Variants in MIOS observed in about 807,000 individuals in gnomAD.
The protein encoded by MIOS is GATOR2 complex protein MIOS.
A neutral mutation model predicts 96.9 loss-of-function variants in MIOS; 52 were observed. The ratio of observed to expected loss-of-function variants is 0.54; its 90% CI spans 0.43 to 0.68. The LOEUF (loss-of-function observed/expected upper bound fraction) is 0.68. Among genes scored for constraint, MIOS ranks in the 30% least tolerant of loss-of-function variants. The probability of loss-of-function intolerance (pLI) is 0.00; values close to 1 mark genes in which losing one functional copy is unlikely to be tolerated. For synonymous variants in MIOS, 397 were observed against 359.5 expected, an observed-to-expected ratio of 1.10 and a Z score of -1.18; for missense variants, 1,005 against 1,052.8, an observed-to-expected ratio of 0.95 and a Z score of 0.63.
chr7:7,592,771 A>C (rs1250593204), intron 9 of MIOS, among the ~76,000 whole-genome samples: 1 of 152,154 alleles, frequency 6.6e-6, no homozygotes, highest in Non-Finnish European at 1.5e-5. Flanking sequence ...GAGCTCAGGC[A>C]CTAATGTGAG....
intron 7 of MIOS, among the ~76,000 whole-genome samples, chr7:7,587,765 C>T (rs951993750): frequency 1.3e-5 from 2 of 151,990 alleles, no homozygotes; most frequent in Admixed American, 6.6e-5. Context: ...AGTGATCTTA[C>T]GGTTAAAAAA....
In MIOS at chr7:7,583,121, T is replaced by C. The variant is rs1200900155; in HGVS notation, c.1397T>C (p.Met466Thr). ...IKSIVKSSLG[M>T]VESSRHNWSG... ...TAAAAATGTTTTCTGTTTTTAGGAA[T>C]GGTGGAAAGCAGCAGACATAATTGG... The change falls in exon 6 of 13, where the codon ATG (methionine) becomes ACG (threonine). Residue 466 changes from methionine to threonine, a missense_variant. Physicochemically the swap from Met to Thr is moderately conservative, Grantham distance 81. Around this residue, in one of 3 missense-constraint regions of MIOS, gnomAD observed 865 missense variants for 887.9 expected, o/e 0.97. Coordinates refer to ENST00000340080, the MANE Select transcript of MIOS (RefSeq NM_019005.4). 6.3e-7 allele frequency: 1 copy of C among 1,599,818 alleles called. No individual in the cohort carries two copies. The highest frequency in any genetic ancestry group is 1.3e-5 in the African/African-American group (1 of 74,200).
rs558470357 is a variant in MIOS at position 7,607,740 on chromosome 7, T to C, written c.*648T>C. 4.6e-5 allele frequency: 7 copies of C among 152,268 alleles called. No individual in the cohort carries two copies. The highest frequency in any genetic ancestry group is 2.1e-4 in the South Asian group (1 of 4,832). 9.4% of individuals were successfully genotyped at this position (152,268 alleles called of 1,614,324 possible). ...GATAAGCAATCTTTTGGCATAACAT[T>C]ATCGTCTTCCTAGAAAAGCCAAGAT... On this transcript the variant is annotated 3_prime_UTR_variant, in exon 13 of 13. Coordinates refer to ENST00000340080, the MANE Select transcript of MIOS (RefSeq NM_019005.4).
At chr7:7,586,290 A>G (rs918372620) in intron 7 of MIOS, among the ~76,000 whole-genome samples, 1 of 152,170 alleles carries the variant, frequency 6.6e-6, no homozygotes, top group Non-Finnish European at 1.5e-5. Flanking sequence ...GTTAGGAATG[A>G]TAACAGTACT....
Position 7,590,615 on chromosome 7 carries a change from T to G in MIOS, c.2043+1052T>G, listed in dbSNP as rs184903681. On this transcript the variant is annotated intron_variant, in intron 9 of 12. Coordinates refer to ENST00000340080, the MANE Select transcript of MIOS (RefSeq NM_019005.4). ...CTTGCTGTTTGTTTTCCGTTTTGTT[T>G]GTCCTTTTTCCTTTTGTTCCTATGT... is the stretch of plus-strand genomic sequence containing the variant. Among the ~76,000 whole-genome samples the G allele has an allele frequency of 3.6e-3, 553 of 152,344 alleles. 3 individuals carry two copies. The highest frequency in any genetic ancestry group is 6.1e-3 in the Non-Finnish European group (414 of 68,022).
rs970243966 is a variant in MIOS at position 7,607,336 on chromosome 7, T to A, written c.*244T>A. 1.1e-4 allele frequency: 34 copies of A among 302,230 alleles called. No individual in the cohort carries two copies. Among genetic ancestry groups the A allele is most frequent in the Non-Finnish European group, 4.8e-5 (8 of 165,906 alleles). The allele number at this position is 302,230 out of a possible 1,614,324, so 18.7% of individuals were successfully genotyped here. Reference sequence around the variant, plus strand: ...TGTTCAGCAGGTTGAAAAGTCTGATTTAGAAAAACTTTCTAAGTTTTGGTT... The same window carrying A: ...TGTTCAGCAGGTTGAAAAGTCTGATATAGAAAAACTTTCTAAGTTTTGGTT... On this transcript the variant is annotated 3_prime_UTR_variant, in exon 13 of 13. Coordinates refer to ENST00000340080, the MANE Select transcript of MIOS (RefSeq NM_019005.4).
chr7:7,573,801 A>C lies in MIOS; in HGVS notation c.1294+32A>C, dbSNP rs1286417938. 2 of 1,531,196 alleles carry C rather than the reference A, an allele frequency of 1.3e-6. No homozygotes were observed. The highest frequency in any genetic ancestry group is 1.8e-6 in the Non-Finnish European group (2 of 1,139,950). 94.9% of individuals were successfully genotyped at this position (1,531,196 alleles called of 1,614,324 possible). On this transcript the variant is annotated intron_variant, in intron 4 of 12. Coordinates refer to ENST00000340080, the MANE Select transcript of MIOS (RefSeq NM_019005.4). This position sits in a 1 kb window ranked among gnomAD's most constrained non-coding sequence, Gnocchi z 5.0. The stretch of plus-strand genomic sequence containing the variant: ...TTTTCATTGTGAATTTTGTGAGGTG[A>C]ATCAGGTAGAAATGTTCTTGAAGTT...
At position 7,607,323 on chromosome 7, in the gene MIOS, T is replaced by A. The variant is rs1784560149; in HGVS notation, c.*231T>A. 8.9e-6 allele frequency: 3 copies of A among 336,308 alleles called. No individual in the cohort carries two copies. The highest frequency in any genetic ancestry group is 1.6e-5 in the Non-Finnish European group (3 of 187,364). 20.8% of individuals were successfully genotyped at this position (336,308 alleles called of 1,614,324 possible). ...TAGACATGAGTTCTGTTCAGCAGGT[T>A]GAAAAGTCTGATTTAGAAAAACTTT... On this transcript the variant is annotated 3_prime_UTR_variant, in exon 13 of 13. Coordinates refer to ENST00000340080, the MANE Select transcript of MIOS (RefSeq NM_019005.4).
intron 3 of MIOS, among the ~76,000 whole-genome samples, chr7:7,568,437 G>A (rs937602521): frequency 2.0e-5 from 3 of 152,162 alleles, no homozygotes; most frequent in African/African-American, 7.2e-5. Context: ...TCTTGGTGAT[G>A]TATGTTCATG....
chr7:7,585,922 AT>A, intron 7 of MIOS, 117 bp downstream of exon 7: 1 of 954,710 alleles, frequency 1.0e-6, no homozygotes, highest in South Asian at 2.3e-5. Context: ...TGCATATGTT[AT>A]TTAAAATAAG....
rs771037158 is a variant in MIOS, at chr7:7,585,586, G to T, written c.1649-50G>T. ...TTTATGGTTTAAGAAATGTAGAAGA[G>T]ATATTAAGCTTTTGATCACTTTGAT... On this transcript the variant is annotated intron_variant, in intron 6 of 12. Transcript: ENST00000340080. 12 of 1,464,718 alleles carry T rather than the reference G, an allele frequency of 8.2e-6. No homozygotes were observed. In the South Asian group the frequency reaches 1.7e-4, roughly 20 times the overall value. 90.7% of individuals were successfully genotyped at this position (1,464,718 alleles called of 1,614,324 possible).
Position 7,606,032 on chromosome 7 carries a change from G to A in MIOS, c.2492G>A (p.Arg831Lys). 1.2e-6 allele frequency: 2 copies of A among 1,613,992 alleles called. No individual in the cohort carries two copies. Among genetic ancestry groups the A allele is most frequent in the Non-Finnish European group, 1.7e-6 (2 of 1,179,906 alleles). ...TGGTTTACATGGTGTCATAATTGCA[G>A]GCACGGTGGACATGCTGGACATATG... ...NNWFTWCHNC[R>K]HGGHAGHMLS... is the part of the protein sequence containing the mutation. Residue 831 changes from arginine (R) to lysine (K), a missense_variant, in exon 12 of 13, where the codon AGG becomes AAG. Transcript: ENST00000340080.
intron 10 of MIOS, 80 bp from the exon 11 acceptor site, chr7:7,596,176 AT>A: frequency 1.7e-6 from 2 of 1,210,980 alleles, no homozygotes; most frequent in Non-Finnish European, 2.3e-6. Flanking sequence ...TTTAAAAATA[AT>A]TTGTTAGGCG....
chr7:7,600,418 A>G (rs931716658), intron 11 of MIOS, among the ~76,000 whole-genome samples: 1 of 152,218 alleles, frequency 6.6e-6, no homozygotes, highest in South Asian at 2.1e-4. Flanking sequence ...AGGCGTTGCA[A>G]TCCTGATCTC....
At chr7:7,602,667 T>G (rs1784414074) in intron 11 of MIOS, among the ~76,000 whole-genome samples, 1 of 152,100 alleles carries the variant, frequency 6.6e-6, no homozygotes, top group Non-Finnish European at 1.5e-5. Flanking sequence ...ATTTATAGAT[T>G]CAGTGCCATC....
Position 7,572,654 on chromosome 7 carries a change from C to A in MIOS, c.179C>A (p.Thr60Lys), listed in dbSNP as rs1328485003. 1.3e-5 allele frequency: 21 copies of A among 1,614,014 alleles called. No individual in the cohort carries two copies. The highest frequency in any genetic ancestry group is 1.7e-5 in the Non-Finnish European group (20 of 1,180,000). ...ACATTACTGTCAATAAATTCAGATA[C>A]ACCCTATATGAAATGTGTTGCCTGG... ...AATLLSINSDTPYMKCVAWYL... is the reference protein window; with the variant it reads ...AATLLSINSDKPYMKCVAWYL... Residue 60 changes from threonine to lysine, a missense_variant, in exon 4 of 13, where the codon ACA (threonine) becomes AAA (lysine). Physicochemically the swap from Thr to Lys is moderately conservative, Grantham distance 78 (BLOSUM62 -1). Coordinates refer to ENST00000340080, the MANE Select transcript of MIOS (RefSeq NM_019005.4). This position sits in a 1 kb window ranked among gnomAD's most constrained non-coding sequence, Gnocchi z 4.8.
chr7:7,581,946 A>G, intron 5 of MIOS: 1 of 143,438 alleles, frequency 7.0e-6, no homozygotes, highest in East Asian at 2.1e-4. Flanking sequence ...GTATTCTGTT[A>G]TCTCGAGACA....
rs1783456915 is a variant in MIOS, at chr7:7,574,317, T to C, written c.1393+121T>C. The C allele has an allele frequency of 4.4e-6, 3 of 679,710 alleles. No homozygotes were observed. The South Asian group carries it at 6.4e-5, about 15-fold the overall frequency. 42.1% of individuals were successfully genotyped at this position (679,710 alleles called of 1,614,324 possible). Reference sequence around the variant, plus strand: ...AGGATCATGTACATAATTTTTTTTGTTTTCTGATTGGATATTTCATTGTAT... The same window carrying C: ...AGGATCATGTACATAATTTTTTTTGCTTTCTGATTGGATATTTCATTGTAT... On this transcript the variant is annotated intron_variant, in intron 5 of 12. Coordinates refer to ENST00000340080, the MANE Select transcript of MIOS (RefSeq NM_019005.4).
At chr7:7,594,000 A>T (rs1784130417) in intron 9 of MIOS, among the ~76,000 whole-genome samples, 5 of 152,288 alleles carry the variant, frequency 3.3e-5, no homozygotes, top group Middle Eastern at 3.4e-3. Context: ...TACTGGCAAG[A>T]ACTTGAAGAT....
Sources: allele counts gnomAD v4.1 joint callset (sites outside exome capture counted in the v4.1 genomes callset), GRCh38; gene constraint gnomAD v4.1.1; regional missense constraint gnomAD v4.1.1; non-coding constraint Gnocchi (gnomAD v3.1); transcripts MANE v1.5; gene names NCBI Gene and HGNC (gene_info 2026-07-23, HGNC 2026-07-21).